Variants in WWOX observed in about 807,000 individuals in gnomAD.
WWOX encodes the protein WW domain containing oxidoreductase, also known as WW domain-containing oxidoreductase.
WWOX carries 69 observed loss-of-function variants against 46.2 expected under a neutral mutation model. That is an observed-to-expected ratio of 1.49 (90% CI 1.23 to 1.82). The LOEUF (loss-of-function observed/expected upper bound fraction) is 1.82. Among genes scored for constraint, WWOX ranks in the 40% most tolerant of loss-of-function variants. WWOX has a pLI of 0.00. For synonymous variants in WWOX, 359 were observed against 202.6 expected (o/e 1.77, Z -6.56); for missense variants, 919 against 542.6 (o/e 1.69, Z -6.89).
intron 6 of WWOX, among the ~76,000 whole-genome samples, chr16:78,389,717 G>T (rs1842348659): frequency 6.6e-6 from 1 of 152,070 alleles, no homozygotes; most frequent in Non-Finnish European, 1.5e-5. Context: ...GCTCCAACTT[G>T]ACCACCGTAC....
intron 8 of WWOX, among the ~76,000 whole-genome samples, chr16:79,132,953 C>T (rs1040695473): frequency 1.8e-4 from 27 of 152,296 alleles, no homozygotes; most frequent in African/African-American, 6.5e-4. Flanking sequence ...TTCGCCTCCT[C>T]GATCTTGCCT....
intron 8 of WWOX, among the ~76,000 whole-genome samples, chr16:78,922,923 G>C (rs937559446): frequency 6.6e-6 from 1 of 151,260 alleles, no homozygotes; most frequent in Non-Finnish European, 1.5e-5. Context: ...TATTTGCCTA[G>C]AAATCTAACA....
intron 8 of WWOX, among the ~76,000 whole-genome samples, chr16:79,060,382 G>A (rs901904853): frequency 6.6e-6 from 1 of 152,230 alleles, no homozygotes; most frequent in African/African-American, 2.4e-5. Flanking sequence ...TAATTGGTAA[G>A]GTTCTTGAAA....
chr16:79,043,472 A>G (rs190191169), intron 8 of WWOX, among the ~76,000 whole-genome samples: 1 of 152,230 alleles, frequency 6.6e-6, no homozygotes, highest in Non-Finnish European at 1.5e-5. Flanking sequence ...AGGAAAAGCA[A>G]GTGCATTAGA....
At chr16:78,953,566 C>T (rs757506831) in intron 8 of WWOX, among the ~76,000 whole-genome samples, 7 of 152,168 alleles carry the variant, frequency 4.6e-5, no homozygotes, top group Non-Finnish European at 8.8e-5. Flanking sequence ...CCAGGGGACT[C>T]ATTGACGGCA....
At chr16:78,727,382 C>G (rs1164153050) in intron 8 of WWOX, among the ~76,000 whole-genome samples, 1 of 152,196 alleles carries the variant, frequency 6.6e-6, no homozygotes. Context: ...AAGACTCCAT[C>G]TCAAAGCGAA....
At chr16:79,013,362 G>C (rs2047350690) in intron 8 of WWOX, among the ~76,000 whole-genome samples, 1 of 152,176 alleles carries the variant, frequency 6.6e-6, no homozygotes, top group African/African-American at 2.4e-5. Context: ...TCTGACCCCA[G>C]GAGAACTGCC....
At chr16:78,991,964 T>G (rs994113994) in intron 8 of WWOX, among the ~76,000 whole-genome samples, 8 of 152,208 alleles carry the variant, frequency 5.3e-5, no homozygotes, top group African/African-American at 1.9e-4. Context: ...CATTAGTGGA[T>G]GCAGGGGCGA....
intron 8 of WWOX, among the ~76,000 whole-genome samples, chr16:79,145,622 G>T (rs1047517262): frequency 6.6e-6 from 1 of 152,148 alleles, no homozygotes; most frequent in Non-Finnish European, 1.5e-5. Context: ...AACAAATACA[G>T]TAAGACAAAA....
At chr16:78,116,618 G>A (rs2032805625) in intron 4 of WWOX, among the ~76,000 whole-genome samples, 2 of 152,116 alleles carry the variant, frequency 1.3e-5, no homozygotes, top group African/African-American at 4.8e-5. Context: ...AGTCAAAACT[G>A]ATGGCGTAAT....
intron 8 of WWOX, among the ~76,000 whole-genome samples, chr16:79,037,285 T>G (rs2047886579): frequency 6.6e-6 from 1 of 152,194 alleles, no homozygotes; most frequent in Non-Finnish European, 1.5e-5. Context: ...TTTCCTACCC[T>G]GCCTGGAAAG....
intron 8 of WWOX, among the ~76,000 whole-genome samples, chr16:79,098,138 G>C (rs2049114670): frequency 6.6e-6 from 1 of 152,176 alleles, no homozygotes; most frequent in Non-Finnish European, 1.5e-5. Context: ...TTTCAAACCT[G>C]TCTGCTCATC....
chr16:78,557,483 C>T (rs28465528), intron 8 of WWOX, among the ~76,000 whole-genome samples: 1 of 152,086 alleles, frequency 6.6e-6, no homozygotes, highest in African/African-American at 2.4e-5. Flanking sequence ...ACCCCATTCT[C>T]TTCATTTCTG....
intron 8 of WWOX, among the ~76,000 whole-genome samples, chr16:78,779,361 G>T (rs1277175892): frequency 6.6e-6 from 1 of 152,064 alleles, no homozygotes; most frequent in Non-Finnish European, 1.5e-5. Flanking sequence ...TGCCCAGACT[G>T]GTCTTGAACT....
chr16:78,699,678 C>G (rs1343493695), intron 8 of WWOX, among the ~76,000 whole-genome samples: 2 of 152,202 alleles, frequency 1.3e-5, no homozygotes, highest in African/African-American at 4.8e-5. Flanking sequence ...CAGCTATTCC[C>G]TCTTCTGCCC....
intron 5 of WWOX, among the ~76,000 whole-genome samples, chr16:78,383,999 G>C (rs1401859331): frequency 4.6e-5 from 7 of 152,126 alleles, no homozygotes. Flanking sequence ...AGAAAACTTA[G>C]CAGTTGTAAG....
chr16:78,663,222 G>A (rs1487671731), intron 8 of WWOX, among the ~76,000 whole-genome samples: 1 of 152,142 alleles, frequency 6.6e-6, no homozygotes, highest in African/African-American at 2.4e-5. Flanking sequence ...TACCTATTTC[G>A]GGTAATTGAT....
At chr16:78,107,876 C>A (rs547822297) in intron 1 of WWOX, among the ~76,000 whole-genome samples, 2 of 152,096 alleles carry the variant, frequency 1.3e-5, no homozygotes, top group Non-Finnish European at 2.9e-5. Context: ...TTTGTCCCTA[C>A]ATCGTGGAAT....
At chr16:78,998,944 A>C (rs576850608) in intron 8 of WWOX, among the ~76,000 whole-genome samples, 1 of 152,290 alleles carries the variant, frequency 6.6e-6, no homozygotes, top group East Asian at 1.9e-4. Flanking sequence ...CAGCAACCAA[A>C]CTTGCAGGAT....
Sources: allele counts gnomAD v4.1 joint callset (sites outside exome capture counted in the v4.1 genomes callset), GRCh38; gene constraint gnomAD v4.1.1; transcripts MANE v1.5; gene names NCBI Gene and HGNC (gene_info 2026-07-23, HGNC 2026-07-21).